Variants in TRDMT1 observed in about 807,000 individuals in gnomAD.
TRDMT1 encodes the protein tRNA (cytosine(38)-C(5))-methyltransferase.
In TRDMT1, 49 loss-of-function variants were observed where a neutral mutation model predicts 51.2. That is an observed-to-expected ratio of 0.96 (90% CI 0.76 to 1.21). TRDMT1 has a LOEUF of 1.21. TRDMT1 is among the 50% of genes most tolerant of loss of function. TRDMT1 has a pLI of 0.00. For synonymous variants in TRDMT1, 187 were observed against 164.6 expected (o/e 1.14, Z -1.04); for missense variants, 534 against 462.3 (o/e 1.16, Z -1.42).
chr10:17,159,087 T>G (rs965916522), intron 7 of TRDMT1, 59 bp downstream of exon 7: 1 of 1,145,534 alleles, frequency 8.7e-7, no homozygotes, highest in Non-Finnish European at 1.2e-6. Context: ...ATTAGCAGAC[T>G]AATATATATT....
intron 3 of TRDMT1, among the ~76,000 whole-genome samples, chr10:17,163,913 A>C (rs1283892299): frequency 2.0e-5 from 3 of 152,202 alleles, no homozygotes; most frequent in Non-Finnish European, 4.4e-5. Flanking sequence ...GACCAGACAG[A>C]TTCACAGCCA....
chr10:17,139,317 G>T lies in TRDMT1; in HGVS notation c.*9723C>A. On this transcript the variant is annotated 3_prime_UTR_variant, in exon 11 of 11. Coordinates refer to ENST00000377799, the MANE Select transcript of TRDMT1 (RefSeq NM_004412.7). ...GATAATCAAAGGAAAATGTCTGATT[G>T]CACTCAGACTTCAGCATGAATGACA... The T allele has an allele frequency of 1.8e-6, 1 of 555,308 alleles. No individual in the cohort carries two copies. The highest frequency in any genetic ancestry group is 7.8e-5 in the South Asian group (1 of 12,848). The allele number at this position is 555,308 out of a possible 1,614,324, so 34.4% of individuals were successfully genotyped here.
rs759213383 is a variant in TRDMT1, at chr10:17,143,445, T to G, written c.*5595A>C. The G allele has an allele frequency of 6.1e-6, 6 of 985,356 alleles. No homozygotes were observed. 61.0% of individuals were successfully genotyped at this position (985,356 alleles called of 1,614,324 possible). On this transcript the variant is annotated 3_prime_UTR_variant, in exon 11 of 11. Coordinates refer to ENST00000377799, the MANE Select transcript of TRDMT1 (RefSeq NM_004412.7). ...TCTTAAATATGAAAGTCAACTCATT[T>G]CTACTACACAAGGAGTATCACATTC... is the stretch of plus-strand genomic sequence containing the variant.
intron 10 of TRDMT1, 101 bp from the exon 11 acceptor site, chr10:17,149,241 G>C (rs1838387756): frequency 1.2e-6 from 1 of 859,536 alleles, no homozygotes; most frequent in Non-Finnish European, 1.8e-6. Context: ...CATTTCATAA[G>C]TAAATCACTA....
intron 3 of TRDMT1, among the ~76,000 whole-genome samples, chr10:17,163,006 G>A (rs914698600): frequency 1.3e-5 from 2 of 152,124 alleles, no homozygotes; most frequent in Non-Finnish European, 2.9e-5. Context: ...TCAGAGGAAC[G>A]AACTGCTGAA....
chr10:17,174,978 TAAAAC>T (rs1190690858), intron 1 of TRDMT1, among the ~76,000 whole-genome samples: 8 of 152,330 alleles, frequency 5.3e-5, no homozygotes, highest in African/African-American at 1.9e-4. Context: ...TTTCCTAAGT[TAAAAC>T]AAACTAAAAA....
intron 2 of TRDMT1, 128 bp from the exon 3 acceptor site, chr10:17,169,045 T>A: frequency 1.5e-6 from 1 of 678,642 alleles, no homozygotes; most frequent in Non-Finnish European, 2.4e-6. Flanking sequence ...GCTTGTCAAA[T>A]CAACTTTGGT....
rs747635782 is a variant in TRDMT1, at chr10:17,157,791, T to C, written c.544-7A>G. On this transcript the variant is annotated splice_polypyrimidine_tract_variant and splice_region_variant and intron_variant, in intron 7 of 10. Transcript: ENST00000377799. The stretch of plus-strand genomic sequence containing the variant: ...TGGGGAACTCCATCAGTACCTGGCA[T>C]TACATAAAAATACACAAATTGTCAA... 8.4e-6 allele frequency: 13 copies of C among 1,547,170 alleles called. No individual in the cohort carries two copies. The South Asian group carries it at 1.6e-4, about 19-fold the overall frequency.
Position 17,162,208 on chromosome 10 carries a change from G to C in TRDMT1, c.281C>G (p.Ser94Ter). 1.3e-6 allele frequency: 2 copies of C among 1,599,226 alleles called. No homozygotes were observed. The highest frequency in any genetic ancestry group is 1.7e-6 in the Non-Finnish European group (2 of 1,174,998). ...RIGRQGDMTD[S>*]RTNSFLHILD... is the part of the protein sequence containing the mutation. ...AATATGTAAGAAGCTATTCGTCCTT[G>C]AATCAGTCATATCACCCTGCCGGCC... The change falls in exon 4 of 11, where the codon TCA becomes TGA. Residue 94 changes from serine to a stop codon, truncating the protein, a stop_gained. Coordinates refer to ENST00000377799, the MANE Select transcript of TRDMT1 (RefSeq NM_004412.7). LOFTEE classifies it high-confidence loss of function.
chr10:17,162,332 G>A lies in TRDMT1; in HGVS notation c.252-95C>T, dbSNP rs1309203761. The stretch of plus-strand genomic sequence containing the variant: ...GTCAAATCACTTTTTAAGTCAAAAG[G>A]AGAATAAAAATAAGTTGGTCCTCAC... On this transcript the variant is annotated intron_variant, in intron 3 of 10. Coordinates refer to ENST00000377799, the MANE Select transcript of TRDMT1 (RefSeq NM_004412.7). The A allele has an allele frequency of 4.9e-6, 6 of 1,212,418 alleles. No individual in the cohort carries two copies. The East Asian group carries it at 9.8e-5, about 20-fold the overall frequency. The allele number at this position is 1,212,418 out of a possible 1,614,324, so 75.1% of individuals were successfully genotyped here.
At chr10:17,167,052 G>T (rs1001331625) in intron 3 of TRDMT1, among the ~76,000 whole-genome samples, 1 of 152,108 alleles carries the variant, frequency 6.6e-6, no homozygotes, top group African/African-American at 2.4e-5. Flanking sequence ...GACACTTTCA[G>T]CATTCTTTTA....
intron 3 of TRDMT1, among the ~76,000 whole-genome samples, chr10:17,164,005 C>T (rs1419913053): frequency 1.3e-5 from 2 of 152,154 alleles, no homozygotes; most frequent in Non-Finnish European, 2.9e-5. Context: ...GGAATCCTCC[C>T]TAACTCATTT....
chr10:17,178,483 C>T (rs1443891938), intron 1 of TRDMT1, among the ~76,000 whole-genome samples: 2 of 152,038 alleles, frequency 1.3e-5, no homozygotes, highest in Non-Finnish European at 2.9e-5. Context: ...TGAGACCAGC[C>T]TGGCCAAAAT....
rs935781185 is a variant in TRDMT1, at chr10:17,201,598, C to A, written c.37G>T (p.Val13Leu). ...CTCAGCGCGTGGTGCATGCCGCCCA[C>A]GCCGCTGTATAGCTCCAGCACCCGC... ...PLRVLELYSG[V>L]GGMHHALRES... Residue 13 changes from valine to leucine, a missense_variant, in exon 1 of 11, where the codon GTG becomes TTG. By Grantham distance (32) the Val-to-Leu change is conservative. Coordinates refer to ENST00000377799, the MANE Select transcript of TRDMT1 (RefSeq NM_004412.7). 3 of 1,548,984 alleles carry A rather than the reference C, an allele frequency of 1.9e-6. No homozygotes were observed. In the Admixed American group the frequency reaches 5.9e-5, roughly 30 times the overall value.
rs1297073401 is a variant in TRDMT1, at chr10:17,148,488, T to C, written c.*552A>G. 2 of 985,324 alleles carry C rather than the reference T, an allele frequency of 2.0e-6. No individual in the cohort carries two copies. Among genetic ancestry groups the C allele is most frequent in the Non-Finnish European group, 2.4e-6 (2 of 829,934 alleles). The allele number at this position is 985,324 out of a possible 1,614,324, so 61.0% of individuals were successfully genotyped here. On this transcript the variant is annotated 3_prime_UTR_variant, in exon 11 of 11. Coordinates refer to ENST00000377799, the MANE Select transcript of TRDMT1 (RefSeq NM_004412.7). ...TGGAGAGGTAATCAAACATTTAGGATTATTTTTCCTGACATATTCTTCAGT... is the reference window on the plus strand; with the variant it reads ...TGGAGAGGTAATCAAACATTTAGGACTATTTTTCCTGACATATTCTTCAGT...
rs1014549662 is a variant in TRDMT1 at position 17,147,331 on chromosome 10, C to T, written c.*1709G>A. 4.2e-5 allele frequency: 41 copies of T among 985,298 alleles called. No homozygotes were observed. The highest frequency in any genetic ancestry group is 4.8e-5 in the Non-Finnish European group (40 of 829,884). The allele number at this position is 985,298 out of a possible 1,614,324, so 61.0% of individuals were successfully genotyped here. On this transcript the variant is annotated 3_prime_UTR_variant, in exon 11 of 11. Transcript: ENST00000377799. ...TATGGGCTGGCTTACAGCTTCCCTACATTCATATTTATCTATGAGTTCTGA... is the reference window on the plus strand; with the variant it reads ...TATGGGCTGGCTTACAGCTTCCCTATATTCATATTTATCTATGAGTTCTGA...
intron 1 of TRDMT1, among the ~76,000 whole-genome samples, chr10:17,199,762 G>A (rs1038914650): frequency 1.8e-4 from 27 of 152,212 alleles, no homozygotes; most frequent in African/African-American, 5.8e-4. Context: ...AGGCAGAATG[G>A]AAGTAAGGAG....
chr10:17,196,582 A>G (rs1383736709), intron 1 of TRDMT1, among the ~76,000 whole-genome samples: 1 of 152,288 alleles, frequency 6.6e-6, no homozygotes, highest in Non-Finnish European at 1.5e-5. Flanking sequence ...CTGTGCAGAC[A>G]TAAATATCAA....
chr10:17,148,290 A>G lies in TRDMT1; in HGVS notation c.*750T>C. ...ATCTTAACGTCATGCTACATTCCTC[A>G]GCGTGCAAAGGCAAATTCAACTCAG... On this transcript the variant is annotated 3_prime_UTR_variant, in exon 11 of 11. Transcript: ENST00000377799. The G allele has an allele frequency of 1.0e-6, 1 of 985,484 alleles. No individual in the cohort carries two copies. The highest frequency in any genetic ancestry group is 1.2e-6 in the Non-Finnish European group (1 of 829,952). The allele number at this position is 985,484 out of a possible 1,614,324, so 61.0% of individuals were successfully genotyped here.
Sources: gnomAD v4.1 joint callset for allele counts (sites outside exome capture counted in the v4.1 genomes callset) on GRCh38, gnomAD v4.1.1 for gene constraint, MANE v1.5 for transcripts, NCBI Gene and HGNC (gene_info 2026-07-23, HGNC 2026-07-21) for gene names.